PTPRD: variants seen among roughly 807,000 people sequenced by gnomAD.
The protein encoded by PTPRD is protein tyrosine phosphatase receptor type D.
A neutral mutation model predicts 214.5 loss-of-function variants in PTPRD; 34 were observed. The observed-to-expected ratio is 0.16, with a 90% confidence interval of 0.12 to 0.21. The LOEUF (loss-of-function observed/expected upper bound fraction) is 0.21. Ranked by LOEUF, PTPRD falls within the 10% of genes least tolerant of loss-of-function variation. The probability of loss-of-function intolerance (pLI) is 1.00; values close to 1 mark genes in which losing one functional copy is unlikely to be tolerated. For missense variants in PTPRD, 2,545 were observed against 2,398.7 expected (o/e 1.06, Z -1.27); for synonymous variants, 1,128 against 845.7 (o/e 1.33, Z -5.79).
At chr9:8,333,065 C>A (rs1336903068) in intron 43 of PTPRD, among the ~76,000 whole-genome samples, 1 of 152,156 alleles carries the variant, frequency 6.6e-6, no homozygotes, top group Non-Finnish European at 1.5e-5. Flanking sequence ...TTCACAGGGA[C>A]ATGCCAGATT....
intron 11 of PTPRD, among the ~76,000 whole-genome samples, chr9:8,983,446 T>C (rs1377510252): frequency 6.6e-6 from 1 of 152,068 alleles, no homozygotes; most frequent in Admixed American, 6.6e-5. Context: ...TAGTGTTCAA[T>C]ACGTTTTCTC....
At chr9:9,831,529 G>A (rs191980717) in intron 5 of PTPRD, among the ~76,000 whole-genome samples, 1 of 151,856 alleles carries the variant, frequency 6.6e-6, no homozygotes, top group African/African-American at 2.4e-5. Flanking sequence ...GTCTGATAGG[G>A]TTGCTCATCG....
At chr9:9,004,863 A>T (rs774875609) in intron 11 of PTPRD, among the ~76,000 whole-genome samples, 1 of 152,048 alleles carries the variant, frequency 6.6e-6, no homozygotes, top group African/African-American at 2.4e-5. Context: ...AACAAACAAA[A>T]CAAAACAAAA....
At chr9:8,629,640 G>T (rs942703020) in intron 14 of PTPRD, among the ~76,000 whole-genome samples, 1 of 151,710 alleles carries the variant, frequency 6.6e-6, no homozygotes, top group Admixed American at 6.6e-5. Flanking sequence ...TTAAAGTTCT[G>T]CTTAGGATGG....
chr9:10,118,932 T>A (rs2098752962), intron 3 of PTPRD, among the ~76,000 whole-genome samples: 1 of 151,050 alleles, frequency 6.6e-6, no homozygotes, highest in African/African-American at 2.4e-5. Flanking sequence ...GAGGGCATAT[T>A]TAGCTTGAAA....
chr9:8,346,188 A>T (rs1192132170), intron 39 of PTPRD, among the ~76,000 whole-genome samples: 3 of 107,718 alleles, frequency 2.8e-5, no homozygotes, highest in Non-Finnish European at 7.7e-5. Flanking sequence ...ATAATAAATT[A>T]TAAATTGTTA....
chr9:9,104,254 G>A (rs574334713), intron 10 of PTPRD, among the ~76,000 whole-genome samples: 6 of 152,138 alleles, frequency 3.9e-5, no homozygotes, highest in East Asian at 1.9e-4. Context: ...ATAAAACTTC[G>A]TTGGTGGGCA....
intron 2 of PTPRD, among the ~76,000 whole-genome samples, chr9:10,503,692 A>AG (rs1463615431): frequency 6.6e-6 from 1 of 152,112 alleles, no homozygotes; most frequent in Non-Finnish European, 1.5e-5. Context: ...ATTACACTTT[A>AG]GTAGGCCAGA....
chr9:8,798,635 G>A (rs1008549087), intron 11 of PTPRD, among the ~76,000 whole-genome samples: 5 of 152,106 alleles, frequency 3.3e-5, no homozygotes, highest in Non-Finnish European at 7.3e-5. Context: ...TTTAACAAAC[G>A]TGTATTAAGC....
chr9:10,451,889 G>T (rs1035790780), intron 2 of PTPRD, among the ~76,000 whole-genome samples: 1 of 151,798 alleles, frequency 6.6e-6, no homozygotes. Context: ...TAACTTCATA[G>T]CGTCAGTTAA....
chr9:10,414,614 T>A (rs2098469772), intron 2 of PTPRD, among the ~76,000 whole-genome samples: 1 of 151,928 alleles, frequency 6.6e-6, no homozygotes, highest in Non-Finnish European at 1.5e-5. Flanking sequence ...ATATAAATTA[T>A]TCTACCATAA....
Position 8,751,122 on chromosome 9 carries a change from CTTT to C in PTPRD, c.-103-17179_-103-17177del, listed in dbSNP as rs1462427974. Among the ~76,000 whole-genome samples, 9 of 152,284 alleles carry C rather than the reference CTTT, an allele frequency of 5.9e-5. No homozygotes were observed. The East Asian group carries it at 1.7e-3, about 29-fold the overall frequency. On this transcript the variant is annotated intron_variant, in intron 11 of 45. Transcript: ENST00000381196. ...GAAAACAATCAGAAATAATGTGTCG[CTTT>C]TTAATGTTTTCAGCTGCCCTTCTCT...
chr9:9,991,811 G>A (rs923078861), intron 4 of PTPRD, among the ~76,000 whole-genome samples: 9 of 146,262 alleles, frequency 6.2e-5, no homozygotes, highest in Non-Finnish European at 1.3e-4. Flanking sequence ...AATAACAAAT[G>A]TGCGAGGGAC....
intron 39 of PTPRD, among the ~76,000 whole-genome samples, chr9:8,349,933 GTTTTT>G (rs71317358): frequency 6.9e-6 from 1 of 145,100 alleles, no homozygotes; most frequent in Non-Finnish European, 1.5e-5. Context: ...AACTTTAGTG[GTTTTT>G]TTTTTTTTTT....
At chr9:10,135,368 A>C (rs964619953) in intron 3 of PTPRD, among the ~76,000 whole-genome samples, 20 of 152,136 alleles carry the variant, frequency 1.3e-4, no homozygotes, top group African/African-American at 4.8e-4. Context: ...AAATTCAAAA[A>C]ATACACAGAA....
intron 11 of PTPRD, among the ~76,000 whole-genome samples, chr9:8,916,034 A>C (rs2154265169): frequency 6.6e-6 from 1 of 152,304 alleles, no homozygotes; most frequent in African/African-American, 2.4e-5. Flanking sequence ...ACATTCACTA[A>C]GCTGGAGAAC....
intron 7 of PTPRD, among the ~76,000 whole-genome samples, chr9:9,633,861 A>G (rs2095669859): frequency 6.6e-6 from 1 of 152,150 alleles, no homozygotes; most frequent in South Asian, 2.1e-4. Flanking sequence ...ATTAACATAA[A>G]TAGATTGTAT....
intron 8 of PTPRD, among the ~76,000 whole-genome samples, chr9:9,470,549 A>T (rs1367935354): frequency 6.6e-6 from 1 of 152,232 alleles, no homozygotes; most frequent in Non-Finnish European, 1.5e-5. Flanking sequence ...GTTTTCTAAC[A>T]GTATACACTT....
At chr9:9,560,427 C>T (rs1218087504) in intron 8 of PTPRD, among the ~76,000 whole-genome samples, 1 of 152,246 alleles carries the variant, frequency 6.6e-6, no homozygotes, top group Non-Finnish European at 1.5e-5. Flanking sequence ...ACTTTGCTGG[C>T]AAAGATATGT....
Sources: gnomAD v4.1 joint callset for allele counts (sites outside exome capture counted in the v4.1 genomes callset) on GRCh38, gnomAD v4.1.1 for gene constraint, MANE v1.5 for transcripts, NCBI Gene and HGNC (gene_info 2026-07-23, HGNC 2026-07-21) for gene names.